The following GARNL3 variants were observed in gnomAD, a reference collection of about 807,000 sequenced individuals.
The protein encoded by GARNL3 is GTPase-activating Rap/Ran-GAP domain-like protein 3.
Under a neutral mutation model 125.0 loss-of-function variants are expected in GARNL3, and 63 were observed. The observed-to-expected ratio is 0.50, with a 90% CI of 0.41 to 0.62. GARNL3 has a LOEUF of 0.62. Among genes scored for constraint, GARNL3 ranks in the 20% least tolerant of loss-of-function variants. The pLI is 0.00. For missense variants in GARNL3, 994 were observed against 1,244.0 expected, an observed-to-expected ratio of 0.80 and a Z score of 3.02; for synonymous variants, 439 against 457.5, an observed-to-expected ratio of 0.96 and a Z score of 0.52.
intron 1 of GARNL3, among the ~76,000 whole-genome samples, chr9:127,226,632 G>C (rs2062918812): frequency 6.6e-6 from 1 of 152,032 alleles, no homozygotes; most frequent in Non-Finnish European, 1.5e-5. Flanking sequence ...TTTCCTCTCT[G>C]TATACGCCCA....
At chr9:127,262,013 A>C (rs535106190), upstream of GARNL3, among the ~76,000 whole-genome samples, 1 of 152,282 alleles carries the variant, frequency 6.6e-6, no homozygotes, top group East Asian at 1.9e-4. Flanking sequence ...TGCTGAGTAC[A>C]TGGTCCACCT....
At chr9:127,359,037 GAGA>G (rs1830835839) in intron 21 of GARNL3, among the ~76,000 whole-genome samples, 1 of 152,084 alleles carries the variant, frequency 6.6e-6, no homozygotes, top group Non-Finnish European at 1.5e-5. Flanking sequence ...ATAGACCTAG[GAGA>G]AGGAGTGGGT....
chr9:127,278,203 T>C (rs2064007960), intron 1 of GARNL3, among the ~76,000 whole-genome samples: 1 of 152,242 alleles, frequency 6.6e-6, no homozygotes. Context: ...ATTAAATTCA[T>C]GTGTAATCCT....
intron 2 of GARNL3, among the ~76,000 whole-genome samples, chr9:127,255,521 G>A (rs905973915): frequency 3.9e-5 from 6 of 152,182 alleles, no homozygotes; most frequent in Non-Finnish European, 7.3e-5. Context: ...GATTGTTTCA[G>A]GGGAGGGAGA....
intron 16 of GARNL3, among the ~76,000 whole-genome samples, chr9:127,346,193 A>G (rs1193077073): frequency 2.6e-5 from 4 of 152,382 alleles, no homozygotes; most frequent in Non-Finnish European, 1.5e-5. Flanking sequence ...TATTATGAAT[A>G]TGATTTTGTA....
At chr9:127,229,353 A>G (rs1305380380) in intron 1 of GARNL3, among the ~76,000 whole-genome samples, 1 of 152,150 alleles carries the variant, frequency 6.6e-6, no homozygotes, top group East Asian at 1.9e-4. Context: ...TCAGGGTGGC[A>G]CTGGGCCTGT....
chr9:127,273,493 C>A (rs2063874253), intron 1 of GARNL3, among the ~76,000 whole-genome samples: 1 of 152,240 alleles, frequency 6.6e-6, no homozygotes, highest in Non-Finnish European at 1.5e-5. Context: ...TATCCAAAGA[C>A]ATGCCCATGC....
At chr9:127,254,753 A>C (rs2063467005) in intron 2 of GARNL3, among the ~76,000 whole-genome samples, 1 of 150,390 alleles carries the variant, frequency 6.6e-6, no homozygotes, top group African/African-American at 2.5e-5. Flanking sequence ...TGGGTGACAG[A>C]GCGAGATTCT....
At position 127,333,117 on chromosome 9, in the gene GARNL3, C is replaced by T. The variant is rs774958126; in HGVS notation, c.765C>T (p.Thr255=). Residue 255 remains threonine (T), a synonymous_variant, in exon 9 of 28, where the codon ACC becomes ACT. Coordinates refer to ENST00000373387, the MANE Select transcript of GARNL3 (RefSeq NM_032293.5). ...GWTGYRGGLD[T]KNDTTGIHSV... ...CGGGCTACCGTGGCGGTCTGGATAC[C>T]AAAAGTAAGCCTGCCTCTTGATCTA... 2.5e-6 allele frequency: 4 copies of T among 1,609,474 alleles called. No individual in the cohort carries two copies. The highest frequency in any genetic ancestry group is 3.4e-6 in the Non-Finnish European group (4 of 1,175,980).
At chr9:127,324,711 C>T (rs963400909) in intron 6 of GARNL3, among the ~76,000 whole-genome samples, 1 of 152,190 alleles carries the variant, frequency 6.6e-6, no homozygotes, top group African/African-American at 2.4e-5. Flanking sequence ...CTTCCACACA[C>T]GCTGACAGTG....
chr9:127,243,048 C>CT lies in GARNL3; in HGVS notation c.-28-29dup, dbSNP rs1288926786. ...ATTGGCCTGCCGTTCTTCTCTGTCT[C>CT]TTAGTGCCTTTCCCAACTCTTCTGT... On this transcript the variant is annotated intron_variant, in intron 1 of 10. Coordinates refer to the GARNL3 transcript ENST00000439286. 6 of 1,328,544 alleles carry CT rather than the reference C, an allele frequency of 4.5e-6. No homozygotes were observed. In the African/African-American group the frequency reaches 9.0e-5, roughly 20 times the overall value. 82.3% of individuals were successfully genotyped at this position (1,328,544 alleles called of 1,614,324 possible). A position where few individuals can be genotyped will look rare whatever the true frequency, so the allele number is the denominator to read the frequency against.
In GARNL3 at chr9:127,379,346, T is replaced by C. The variant is rs117427787; in HGVS notation, c.2162-4092T>C. On this transcript the variant is annotated intron_variant, in intron 22 of 27. Coordinates refer to ENST00000373387, the MANE Select transcript of GARNL3 (RefSeq NM_032293.5). The stretch of plus-strand genomic sequence containing the variant: ...CTGGGACCACCTCGTTCTAATGGCC[T>C]TGCAATTATTTTAACATCATGGGAA... 5.0e-3 allele frequency among the ~76,000 whole-genome samples: 763 copies of C among 152,330 alleles called. 6 individuals carry two copies. The highest frequency in any genetic ancestry group is 8.0e-3 in the Non-Finnish European group (541 of 68,028).
intron 22 of GARNL3, among the ~76,000 whole-genome samples, chr9:127,366,316 A>G (rs1345974449): frequency 3.3e-5 from 5 of 152,198 alleles, no homozygotes; most frequent in Non-Finnish European, 7.3e-5. Context: ...TTCAACAATA[A>G]ATTGCTCTTT....
At chr9:127,368,544 T>C (rs1831420509) in intron 22 of GARNL3, among the ~76,000 whole-genome samples, 1 of 146,614 alleles carries the variant, frequency 6.8e-6, no homozygotes, top group African/African-American at 2.5e-5. Flanking sequence ...TTGGTCAGGC[T>C]GGTCTCGAAC....
At position 127,306,785 on chromosome 9, in the gene GARNL3, G is replaced by A. The variant is rs1223331863; in HGVS notation, c.220-4851G>A. 5.9e-5 allele frequency among the ~76,000 whole-genome samples: 9 copies of A among 152,104 alleles called. No individual in the cohort carries two copies. In the East Asian group the frequency reaches 1.7e-3, roughly 29 times the overall value. ...ACCTGTAATCCTATCTACTCGGGAG[G>A]CTGAGGTAGTAGAATTGTTTGAACC... On this transcript the variant is annotated intron_variant, in intron 2 of 27. Coordinates refer to ENST00000373387, the MANE Select transcript of GARNL3 (RefSeq NM_032293.5).
intron 22 of GARNL3, among the ~76,000 whole-genome samples, chr9:127,365,704 C>T (rs1831251216): frequency 6.6e-6 from 1 of 152,068 alleles, no homozygotes; most frequent in Non-Finnish European, 1.5e-5. Context: ...AATGAATGCC[C>T]GCAGCAGGCT....
Position 127,359,362 on chromosome 9 carries a change from C to T in GARNL3, c.2094+1985C>T, listed in dbSNP as rs111560250. 3.9e-3 allele frequency among the ~76,000 whole-genome samples: 601 copies of T among 152,272 alleles called. 2 individuals are homozygous for T. Among genetic ancestry groups the T allele is most frequent in the African/African-American group, 0.014 (578 of 41,550 alleles). On this transcript the variant is annotated intron_variant, in intron 21 of 27. Transcript: ENST00000373387. ...AAAATTAGCCGGGTCTGGTGGCACA[C>T]GCCTGTAATCCCAGCTACTCAGGAA...
intron 1 of GARNL3, among the ~76,000 whole-genome samples, chr9:127,226,620 C>T (rs1396058888): frequency 1.3e-5 from 2 of 152,218 alleles, no homozygotes; most frequent in African/African-American, 2.4e-5. Context: ...AATTTTCTTT[C>T]CTTTCCTCTC....
intron 16 of GARNL3, among the ~76,000 whole-genome samples, chr9:127,346,746 G>T (rs961196430): frequency 6.6e-6 from 1 of 152,186 alleles, no homozygotes; most frequent in Non-Finnish European, 1.5e-5. Context: ...GGCTGCTGCT[G>T]TGCAGTTGGC....
Sources: allele counts gnomAD v4.1 joint callset (sites outside exome capture counted in the v4.1 genomes callset), GRCh38; gene constraint gnomAD v4.1.1; transcripts MANE v1.5; gene names NCBI Gene and HGNC (gene_info 2026-07-23, HGNC 2026-07-21).